Variants in HEATR5B observed in about 807,000 individuals in gnomAD.
HEATR5B encodes the protein HEAT repeat containing 5B, also known as HEAT repeat-containing protein 5B.
In HEATR5B, 156 loss-of-function variants were observed where a neutral mutation model predicts 224.1. That is an observed-to-expected ratio of 0.70 (90% CI 0.61 to 0.80). The LOEUF (loss-of-function observed/expected upper bound fraction) is 0.80, where lower values mean the gene tolerates loss of function less well. HEATR5B is among the 30% of genes least tolerant of loss of function. The pLI is 0.00. For synonymous variants in HEATR5B, 1,027 were observed against 893.0 expected, an observed-to-expected ratio of 1.15 and a Z score of -2.68; for missense variants, 2,323 against 2,535.5, an observed-to-expected ratio of 0.92 and a Z score of 1.80.
At chr2:37,012,866 T>G (rs1255658864) in intron 27 of HEATR5B, among the ~76,000 whole-genome samples, 1 of 152,252 alleles carries the variant, frequency 6.6e-6, no homozygotes, top group African/African-American at 2.4e-5. Flanking sequence ...CTTCTGAGCC[T>G]CCAGCCTATT....
intron 3 of HEATR5B, among the ~76,000 whole-genome samples, chr2:37,077,522 G>T (rs922020179): frequency 6.6e-6 from 1 of 152,206 alleles, no homozygotes; most frequent in African/African-American, 2.4e-5. Flanking sequence ...TAGCCAGGCT[G>T]ATCTCGAACT....
intron 6 of HEATR5B, 69 bp from the exon 7 acceptor site, chr2:37,070,456 A>G (rs1305095882): frequency 8.0e-7 from 1 of 1,242,342 alleles, no homozygotes; most frequent in African/African-American, 1.5e-5. Context: ...TAATTCAAGT[A>G]ATTATTTTTA....
intron 30 of HEATR5B, 149 bp downstream of exon 30, chr2:37,005,483 G>A: frequency 1.4e-6 from 1 of 725,788 alleles, no homozygotes; most frequent in Admixed American, 2.7e-5. Flanking sequence ...CAGAGTAAAA[G>A]TAACTGGGTG....
At chr2:36,994,021 A>C (rs557691931) in intron 33 of HEATR5B, among the ~76,000 whole-genome samples, 12 of 152,288 alleles carry the variant, frequency 7.9e-5, no homozygotes, top group African/African-American at 2.4e-4. Context: ...AAGTAGTGCC[A>C]AATTTGGTAA....
intron 7 of HEATR5B, among the ~76,000 whole-genome samples, chr2:37,069,810 G>A (rs192750742): frequency 3.3e-5 from 5 of 151,744 alleles, no homozygotes; most frequent in East Asian, 1.9e-4. Flanking sequence ...GAAACATTTC[G>A]AAAGAAACCA....
chr2:36,987,740 T>C (rs539663504), intron 35 of HEATR5B, among the ~76,000 whole-genome samples: 53 of 152,270 alleles, frequency 3.5e-4, no homozygotes, highest in Middle Eastern at 6.8e-3. Context: ...ATAAAGCTTT[T>C]ATACCTCTAT....
Position 37,014,032 on chromosome 2 carries a change from G to C in HEATR5B, c.4105-12C>G, listed in dbSNP as rs775223852. 1 of 1,474,430 alleles carries C rather than the reference G, an allele frequency of 6.8e-7. No individual in the cohort carries two copies. The highest frequency in any genetic ancestry group is 1.4e-5 in the African/African-American group (1 of 69,850). 91.3% of individuals were successfully genotyped at this position (1,474,430 alleles called of 1,614,324 possible). On this transcript the variant is annotated splice_polypyrimidine_tract_variant and intron_variant, in intron 26 of 35. Coordinates refer to ENST00000233099, the MANE Select transcript of HEATR5B (RefSeq NM_019024.3). Reference sequence around the variant, plus strand: ...CATGTACTACATACCTAGACAAAGAGAATTCAAAAACTTTTGTGTAAAAAA... The same window carrying C: ...CATGTACTACATACCTAGACAAAGACAATTCAAAAACTTTTGTGTAAAAAA...
chr2:37,008,250 T>C (rs1558723566), intron 28 of HEATR5B: 1 of 192,780 alleles, frequency 5.2e-6, no homozygotes, highest in Non-Finnish European at 1.1e-5. Flanking sequence ...ACATAATTTA[T>C]TGGCACACTA....
chr2:36,986,098 A>G (rs982577912), intron 35 of HEATR5B, among the ~76,000 whole-genome samples: 2 of 152,210 alleles, frequency 1.3e-5, no homozygotes, highest in African/African-American at 4.8e-5. Flanking sequence ...CTAGAACGCA[A>G]TAAAACTTAG....
chr2:37,019,460 C>T (rs1419485450), intron 26 of HEATR5B, among the ~76,000 whole-genome samples: 51 of 143,484 alleles, frequency 3.6e-4, no homozygotes, highest in Non-Finnish European at 6.9e-4. Flanking sequence ...TCCTCTCTCT[C>T]TTTTTTTTTT....
Position 37,020,709 on chromosome 2 carries a change from AGACG to A in HEATR5B, c.3977_3980del (p.Ala1326ValfsTer11), listed in dbSNP as rs1558741261. 6.2e-7 allele frequency: 1 copy of A among 1,605,710 alleles called. No homozygotes were observed. The highest frequency in any genetic ancestry group is 1.1e-5 in the South Asian group (1 of 89,158). On this transcript the variant is annotated frameshift_variant, in exon 25 of 36. Transcript: ENST00000233099. LOFTEE classifies it high-confidence loss of function. The stretch of plus-strand genomic sequence containing the variant: ...GACCTGGAAATTCTGGCTCAGGCAC[AGACG>A]CAAACTTCTTGATAATGTCTTCAAG...
intron 24 of HEATR5B, among the ~76,000 whole-genome samples, chr2:37,027,251 G>C (rs370873021): frequency 6.6e-6 from 1 of 152,122 alleles, no homozygotes; most frequent in African/African-American, 2.4e-5. Flanking sequence ...GTGATGAAGA[G>C]ACAACAAACT....
chr2:37,050,463 T>G (rs1016615523), intron 17 of HEATR5B, among the ~76,000 whole-genome samples: 7 of 152,202 alleles, frequency 4.6e-5, no homozygotes, highest in African/African-American at 1.7e-4. Flanking sequence ...GGACACTGTA[T>G]TACTAAATCA....
intron 21 of HEATR5B, among the ~76,000 whole-genome samples, chr2:37,037,467 G>A (rs1269309934): frequency 6.6e-6 from 1 of 151,804 alleles, no homozygotes; most frequent in African/African-American, 2.4e-5. Flanking sequence ...TCTTAGCAAG[G>A]AAATAAACAG....
chr2:37,046,967 T>C (rs1670238483), intron 18 of HEATR5B, among the ~76,000 whole-genome samples: 1 of 146,834 alleles, frequency 6.8e-6, no homozygotes, highest in African/African-American at 2.6e-5. Context: ...GGAGAATCAC[T>C]TGAACCTGGG....
At chr2:37,030,026 A>C (rs974890129) in intron 22 of HEATR5B, among the ~76,000 whole-genome samples, 10 of 152,180 alleles carry the variant, frequency 6.6e-5, no homozygotes, top group Non-Finnish European at 1.2e-4. Context: ...TGTTGTCATG[A>C]AATAGTGGTT....
At position 37,028,174 on chromosome 2, in the gene HEATR5B, T is replaced by A; in HGVS notation, c.3602A>T (p.Asp1201Val). The A allele has an allele frequency of 6.3e-7, 1 of 1,594,622 alleles. No homozygotes were observed. The highest frequency in any genetic ancestry group is 8.6e-7 in the Non-Finnish European group (1 of 1,164,286). The stretch of plus-strand genomic sequence containing the variant: ...ACTTAAGAGAGTTGCAGTACTCATA[T>A]CTATAACAAGAATAAGGAATATTGT... The part of the protein sequence containing the change: ...LCKDVLAASS[D>V]MSTATLLSSG... The change falls in exon 24 of 36, where the codon GAT becomes GTT. Residue 1201 changes from aspartate to valine, a missense_variant and splice_region_variant. Asp to Val is a radical substitution (Grantham distance 152). This residue lies in a region of HEATR5B where 339 missense variants were observed against 378.4 expected (regional missense o/e 0.90). Transcript: ENST00000233099.
chr2:37,050,523 A>AT (rs1670471658), intron 17 of HEATR5B, among the ~76,000 whole-genome samples: 1 of 152,206 alleles, frequency 6.6e-6, no homozygotes, highest in African/African-American at 2.4e-5. Context: ...ACATTCTCCT[A>AT]TTTCACCTGT....
At position 37,052,025 on chromosome 2, in the gene HEATR5B, C is replaced by G. The variant is rs183180087; in HGVS notation, c.2505+1477G>C. Among the ~76,000 whole-genome samples, 8 of 152,302 alleles carry G rather than the reference C, an allele frequency of 5.3e-5. No homozygotes were observed. In the East Asian group the frequency reaches 1.4e-3, roughly 26 times the overall value. On this transcript the variant is annotated intron_variant, in intron 17 of 35. Coordinates refer to ENST00000233099, the MANE Select transcript of HEATR5B (RefSeq NM_019024.3). ...AAAGTGCTGGGATTACAGGCATAAG[C>G]CACCACGCCCAGCCCCAAACCCTTA...
Sources: gnomAD v4.1 joint callset for allele counts (sites outside exome capture counted in the v4.1 genomes callset) on GRCh38, gnomAD v4.1.1 for gene constraint, gnomAD v4.1.1 regional missense constraint, MANE v1.5 for transcripts, NCBI Gene and HGNC (gene_info 2026-07-23, HGNC 2026-07-21) for gene names.